The following PLEKHD1 variants were observed in gnomAD, a reference collection of about 807,000 sequenced individuals.
PLEKHD1 encodes the protein pleckstrin homology domain-containing family D member 1.
In PLEKHD1, 51 loss-of-function variants were observed where a neutral mutation model predicts 69.2. The ratio of observed to expected loss-of-function variants is 0.74; its 90% CI spans 0.59 to 0.93. The LOEUF (loss-of-function observed/expected upper bound fraction) is 0.93, where lower values mean the gene tolerates loss of function less well. Ranked by LOEUF, PLEKHD1 falls within the 40% of genes least tolerant of loss-of-function variation. The probability of loss-of-function intolerance (pLI) is 0.00; values close to 1 mark genes in which losing one functional copy is unlikely to be tolerated. For missense variants in PLEKHD1, 584 were observed against 641.0 expected (o/e 0.91, Z 0.96); for synonymous variants, 236 against 244.7 (o/e 0.96, Z 0.33).
At chr14:69,518,233 G>C (rs1355996965) in intron 6 of PLEKHD1, among the ~76,000 whole-genome samples, 1 of 151,856 alleles carries the variant, frequency 6.6e-6, no homozygotes, top group Non-Finnish European at 1.5e-5. Context: ...GTAGAGATGG[G>C]GTTTGCCGTG....
At chr14:69,510,115 G>A (rs1444518762) in intron 6 of PLEKHD1, among the ~76,000 whole-genome samples, 1 of 152,106 alleles carries the variant, frequency 6.6e-6, no homozygotes, top group African/African-American at 2.4e-5. Flanking sequence ...TTTATAGTAA[G>A]TCTTAAAGTT....
intron 6 of PLEKHD1, among the ~76,000 whole-genome samples, chr14:69,507,527 G>A (rs1483435928): frequency 6.6e-6 from 1 of 152,172 alleles, no homozygotes; most frequent in East Asian, 1.9e-4. Flanking sequence ...AAAGTAATAA[G>A]GAGTATGATT....
At chr14:69,499,918 G>A (rs1365205475) in intron 1 of PLEKHD1, among the ~76,000 whole-genome samples, 197 bp from the exon 2 acceptor site, 1 of 152,122 alleles carries the variant, frequency 6.6e-6, no homozygotes, top group South Asian at 2.1e-4. Context: ...CTGTGCAGGG[G>A]CCCAGCTGCC....
Position 69,528,617 on chromosome 14 carries a change from C to A in PLEKHD1, c.*198C>A. Reference sequence around the variant, plus strand: ...CTGCCTTCCTCATCCTCACCCCACACCCCACCTTTGGGTCCACACCAGGGC... The same window carrying A: ...CTGCCTTCCTCATCCTCACCCCACAACCCACCTTTGGGTCCACACCAGGGC... On this transcript the variant is annotated 3_prime_UTR_variant, in exon 13 of 13. Coordinates refer to ENST00000322564, the MANE Select transcript of PLEKHD1 (RefSeq NM_001161498.2). The A allele has an allele frequency of 1.4e-6, 1 of 733,642 alleles. No homozygotes were observed. Among genetic ancestry groups the A allele is most frequent in the Non-Finnish European group, 2.2e-6 (1 of 461,224 alleles). 45.4% of individuals were successfully genotyped at this position (733,642 alleles called of 1,614,324 possible).
intron 9 of PLEKHD1, 133 bp downstream of exon 9, chr14:69,526,255 A>G: frequency 1.0e-6 from 1 of 971,472 alleles, no homozygotes; most frequent in Non-Finnish European, 1.5e-6. Context: ...TTTGCCTAGG[A>G]CTCTGTTTTC....
intron 6 of PLEKHD1, among the ~76,000 whole-genome samples, chr14:69,513,695 C>T (rs1883321451): frequency 6.6e-6 from 1 of 152,212 alleles, no homozygotes; most frequent in African/African-American, 2.4e-5. Context: ...CAATGCTCTT[C>T]CTTTCCTTAT....
intron 6 of PLEKHD1, among the ~76,000 whole-genome samples, chr14:69,508,500 A>T (rs952267203): frequency 2.0e-5 from 3 of 152,072 alleles, no homozygotes; most frequent in African/African-American, 7.2e-5. Flanking sequence ...GGTTAACTGT[A>T]GCCTCCCAGG....
rs1252325546 is a variant in PLEKHD1 at position 69,526,023 on chromosome 14, G to T, written c.824G>T (p.Ser275Ile). ...CACCTGCAGACACTGGCCAATCAGA[G>T]TGAGCAGCCCCCTCCCAGTGGGGGC... The part of the protein sequence containing the change: ...ENHLQTLANQ[S>I]EQPPPSGGLH... The change falls in exon 9 of 13, where the codon AGT becomes ATT. Residue 275 changes from serine to isoleucine, a missense_variant. By Grantham distance (142) the Ser-to-Ile change is moderately radical. Transcript: ENST00000322564. 1 of 1,551,590 alleles carries T rather than the reference G, an allele frequency of 6.4e-7. No individual in the cohort carries two copies. Among genetic ancestry groups the T allele is most frequent in the African/African-American group, 1.4e-5 (1 of 73,050 alleles).
chr14:69,476,965 G>A, the PLEKHD1 span, among the ~76,000 whole-genome samples: 1 of 152,066 alleles, frequency 6.6e-6, no homozygotes, highest in African/African-American at 2.4e-5. Context: ...GACAAGAGAA[G>A]AGGGCTTGGG....
chr14:69,514,109 G>T (rs1883329448), intron 6 of PLEKHD1, among the ~76,000 whole-genome samples: 2 of 152,052 alleles, frequency 1.3e-5, no homozygotes, highest in South Asian at 4.1e-4. Context: ...TAGCTTCCTA[G>T]ATCTGTGGTT....
chr14:69,506,610 G>A (rs1238079466), intron 6 of PLEKHD1, among the ~76,000 whole-genome samples: 5 of 152,126 alleles, frequency 3.3e-5, no homozygotes, highest in African/African-American at 1.2e-4. Context: ...GCAAAACTAC[G>A]CAGCAAATAC....
At chr14:69,524,919 C>T (rs902787580) in intron 8 of PLEKHD1, among the ~76,000 whole-genome samples, 7 of 152,178 alleles carry the variant, frequency 4.6e-5, no homozygotes, top group Non-Finnish European at 8.8e-5. Flanking sequence ...CTCCAAACCG[C>T]GGAGCTCAGG....
At chr14:69,528,175 A>G in intron 12 of PLEKHD1, 75 bp from the exon 13 acceptor site, 1 of 1,513,402 alleles carries the variant, frequency 6.6e-7, no homozygotes, top group Non-Finnish European at 8.9e-7. Context: ...AGGGGGTGGC[A>G]TGAGGCTGGG....
intron 1 of PLEKHD1, among the ~76,000 whole-genome samples, chr14:69,489,292 T>C (rs1205045445): frequency 6.6e-6 from 1 of 152,046 alleles, no homozygotes; most frequent in African/African-American, 2.4e-5. Flanking sequence ...AGGCCGGGTG[T>C]GGTGGCTGGT....
rs1040662125 is a variant in PLEKHD1, at chr14:69,528,501, C to T, written c.*82C>T. On this transcript the variant is annotated 3_prime_UTR_variant, in exon 13 of 13. Transcript: ENST00000322564. ...GGTGGCAGAGGGAGGCCTCACTCTA[C>T]CAGCTCCTGGCCTCTCTGGTCTGGA... The T allele has an allele frequency of 6.8e-7, 1 of 1,470,550 alleles. No homozygotes were observed. The highest frequency in any genetic ancestry group is 1.4e-5 in the African/African-American group (1 of 71,698). The allele number at this position is 1,470,550 out of a possible 1,614,324, so 91.1% of individuals were successfully genotyped here.
the PLEKHD1 span, among the ~76,000 whole-genome samples, chr14:69,473,400 T>A: frequency 6.8e-6 from 1 of 146,388 alleles, no homozygotes. Context: ...GACCAGCTGC[T>A]GACCCTGCGT....
chr14:69,493,050 A>C (rs1000935323), intron 1 of PLEKHD1, among the ~76,000 whole-genome samples: 1 of 152,226 alleles, frequency 6.6e-6, no homozygotes, highest in East Asian at 1.9e-4. Flanking sequence ...TACAGGCGTG[A>C]GCCACCACAC....
intron 8 of PLEKHD1, among the ~76,000 whole-genome samples, chr14:69,525,219 AT>A (rs761719824): frequency 2.6e-5 from 4 of 152,150 alleles, no homozygotes; most frequent in Non-Finnish European, 5.9e-5. Flanking sequence ...CTCCAAGCCC[AT>A]CCCCTGAAGT....
intron 1 of PLEKHD1, among the ~76,000 whole-genome samples, chr14:69,488,413 C>A (rs550197616): frequency 6.6e-6 from 1 of 152,306 alleles, no homozygotes; most frequent in South Asian, 2.1e-4. Context: ...CTAGGCTCAG[C>A]CTCACCCTGG....
Sources: allele counts gnomAD v4.1 joint callset (sites outside exome capture counted in the v4.1 genomes callset), GRCh38; gene constraint gnomAD v4.1.1; transcripts MANE v1.5; gene names NCBI Gene and HGNC (gene_info 2026-07-23, HGNC 2026-07-21).